Variants in MED12L observed in about 807,000 individuals in gnomAD.
MED12L encodes mediator of RNA polymerase II transcription subunit 12-like protein.
In MED12L, 60 loss-of-function variants were observed where a neutral mutation model predicts 281.3. The ratio of observed to expected loss-of-function variants is 0.21; its 90% CI spans 0.17 to 0.26. The LOEUF is 0.26. MED12L is among the 10% of genes least tolerant of loss of function. The pLI is 1.00. For missense variants in MED12L, 2,146 were observed against 2,680.9 expected (o/e 0.80, Z 4.41); for synonymous variants, 974 against 987.2 (o/e 0.99, Z 0.25).
intron 13 of MED12L, among the ~76,000 whole-genome samples, chr3:151,189,790 A>C (rs539451455): frequency 3.3e-5 from 5 of 152,320 alleles, no homozygotes; most frequent in African/African-American, 1.2e-4. Context: ...ATCTTATCTT[A>C]AAGGTGTAGT....
chr3:151,387,954 C>G lies in MED12L; in HGVS notation c.5233C>G (p.Leu1745Val). 1 of 1,614,072 alleles carries G rather than the reference C, an allele frequency of 6.2e-7. No individual in the cohort carries two copies. The highest frequency in any genetic ancestry group is 8.5e-7 in the Non-Finnish European group (1 of 1,179,996). ...CAAGTACGAGGAGCAGCATCACCTC[C>G]TGCTGTATCACACACACCCCATGCC... The part of the protein sequence containing the change: ...VIKYEEQHHL[L>V]LYHTHPMPKP... Residue 1745 changes from leucine (L) to valine (V), a missense_variant, in exon 37 of 45, where the codon CTG becomes GTG. Transcript: ENST00000687756.
At chr3:151,211,943 A>G (rs190847707) in intron 16 of MED12L, among the ~76,000 whole-genome samples, 102 of 152,312 alleles carry the variant, frequency 6.7e-4, no homozygotes, top group African/African-American at 2.4e-3. Context: ...ACCATGCCCT[A>G]TCTGGAGTAC....
At chr3:151,336,628 G>T in intron 16 of MED12L, 4 of 444,368 alleles carry the variant, frequency 9.0e-6, no homozygotes, top group South Asian at 6.4e-5. Context: ...TAGCGAATAT[G>T]CCTTGTGTAG....
In MED12L at chr3:151,156,344, G is replaced by A; in HGVS notation, c.726+14G>A. ...CACATGTTCCAGGTAACCTTTTGAAGACATGCAGAGTTGTGTGCAATGCTT... is the reference window on the plus strand; with the variant it reads ...CACATGTTCCAGGTAACCTTTTGAAAACATGCAGAGTTGTGTGCAATGCTT... On this transcript the variant is annotated intron_variant, in intron 6 of 44. Coordinates refer to ENST00000687756, the MANE Select transcript of MED12L (RefSeq NM_001393769.1). The A allele has an allele frequency of 1.3e-6, 2 of 1,595,982 alleles. No homozygotes were observed. The highest frequency in any genetic ancestry group is 2.3e-5 in the South Asian group (2 of 87,916).
rs1011068834 is a variant in MED12L, at chr3:151,319,565, C to T, written c.2251-30494C>T. Among the ~76,000 whole-genome samples the T allele has an allele frequency of 5.4e-5, 8 of 148,094 alleles. No individual in the cohort carries two copies. The Admixed American group carries it at 5.4e-4, about 10-fold the overall frequency. On this transcript the variant is annotated intron_variant, in intron 16 of 44. Coordinates refer to ENST00000687756, the MANE Select transcript of MED12L (RefSeq NM_001393769.1). ...GTTTTTATACTAGGGTGATTTTTTT[C>T]CTTCTAACATTATTTTTAAAGGTAT...
chr3:151,165,621 C>T (rs1013314788), intron 10 of MED12L, 102 bp downstream of exon 10: 25 of 1,051,042 alleles, frequency 2.4e-5, no homozygotes, highest in East Asian at 9.9e-5. Context: ...AGCTTTTTGA[C>T]AGAGCCACTT....
chr3:151,109,430 C>T (rs773682733), intron 2 of MED12L, among the ~76,000 whole-genome samples: 27 of 152,298 alleles, frequency 1.8e-4, no homozygotes, highest in Middle Eastern at 3.4e-3. Context: ...ATTTTCTGGA[C>T]TTTGGTTTCT....
At chr3:151,302,556 T>C (rs1403086606) in intron 16 of MED12L, among the ~76,000 whole-genome samples, 2 of 152,246 alleles carry the variant, frequency 1.3e-5, no homozygotes, top group Non-Finnish European at 2.9e-5. Context: ...TCTGCTTCTG[T>C]TATTTCCATT....
intron 16 of MED12L, among the ~76,000 whole-genome samples, chr3:151,278,724 T>C (rs1277798193): frequency 6.6e-6 from 1 of 152,202 alleles, no homozygotes; most frequent in African/African-American, 2.4e-5. Context: ...GTGTAAGATA[T>C]GGTTCTTTCT....
intron 16 of MED12L, chr3:151,270,043 T>C (rs572302826): frequency 1.1e-3 from 249 of 227,604 alleles, no homozygotes; most frequent in Non-Finnish European, 1.7e-3. Flanking sequence ...TGGGAAGATA[T>C]TGATAAAGAA....
At chr3:151,266,757 A>G (rs906744512) in intron 16 of MED12L, among the ~76,000 whole-genome samples, 11 of 152,224 alleles carry the variant, frequency 7.2e-5, no homozygotes, top group African/African-American at 2.7e-4. Flanking sequence ...ACATGCAGGA[A>G]ATAGTTAGCT....
chr3:151,326,179 T>A (rs1749565768), intron 16 of MED12L: 1 of 152,572 alleles, frequency 6.6e-6, no homozygotes, highest in Non-Finnish European at 1.5e-5. Context: ...AGGCCCTACA[T>A]ACATGTTATA....
At chr3:151,335,837 AT>A (rs532432125) in intron 16 of MED12L, among the ~76,000 whole-genome samples, 28 of 152,206 alleles carry the variant, frequency 1.8e-4, no homozygotes, top group Non-Finnish European at 3.7e-4. Flanking sequence ...CATGGCATAT[AT>A]ACATACTCAT....
chr3:151,136,463 G>A (rs1458122207), intron 5 of MED12L, among the ~76,000 whole-genome samples: 2 of 152,224 alleles, frequency 1.3e-5, no homozygotes, highest in Admixed American at 6.5e-5. Flanking sequence ...TTGGACAGAA[G>A]TGCTTGTATA....
chr3:151,372,600 C>G lies in MED12L; in HGVS notation c.3698C>G (p.Ser1233Cys), dbSNP rs760737619. ...DAKIGNNSVS[S>C]LKNDDFTMRG... ...AAAATTGGCAATAACAGTGTCAGCT[C>G]TTTAAAGAATGATGACTTCACCATG... is the stretch of plus-strand genomic sequence containing the variant. Residue 1233 changes from serine to cysteine, a missense_variant, in exon 27 of 45, where the codon TCT becomes TGT. By Grantham distance (112) the Ser-to-Cys change is moderately radical (BLOSUM62 -1). Coordinates refer to ENST00000687756, the MANE Select transcript of MED12L (RefSeq NM_001393769.1). 8.7e-6 allele frequency: 14 copies of G among 1,613,742 alleles called. No homozygotes were observed. The highest frequency in any genetic ancestry group is 1.1e-5 in the Non-Finnish European group (13 of 1,179,816).
At chr3:151,271,395 A>C (rs1920394) in intron 16 of MED12L, among the ~76,000 whole-genome samples, 13 of 152,224 alleles carry the variant, frequency 8.5e-5, no homozygotes, top group Non-Finnish European at 1.2e-4. Flanking sequence ...ATACTTTGGT[A>C]TATTTTTGGT....
chr3:151,390,167 G>C (rs376201746), intron 38 of MED12L, 32 bp downstream of exon 38: 2 of 1,606,240 alleles, frequency 1.2e-6, no homozygotes, highest in African/African-American at 2.7e-5. Flanking sequence ...ATCACTCAGA[G>C]ATGAGAAACA....
At chr3:151,279,524 C>T (rs1742466507) in intron 16 of MED12L, among the ~76,000 whole-genome samples, 1 of 152,168 alleles carries the variant, frequency 6.6e-6, no homozygotes. Context: ...AGACACAGAG[C>T]TTGTTTAGAG....
chr3:151,262,082 A>G (rs1034525446), intron 16 of MED12L, among the ~76,000 whole-genome samples: 1 of 152,196 alleles, frequency 6.6e-6, no homozygotes, highest in African/African-American at 2.4e-5. Context: ...TGTTAAAACT[A>G]CTATTTTTTA....
Sources: allele counts gnomAD v4.1 joint callset (sites outside exome capture counted in the v4.1 genomes callset), GRCh38; gene constraint gnomAD v4.1.1; transcripts MANE v1.5; gene names NCBI Gene and HGNC (gene_info 2026-07-23, HGNC 2026-07-21).